Variants in AKAP8L observed in about 807,000 individuals in gnomAD.
AKAP8L encodes A-kinase anchoring protein 8 like.
Under a neutral mutation model 77.5 loss-of-function variants are expected in AKAP8L, and 34 were observed. The observed-to-expected ratio is 0.44, with a 90% CI of 0.33 to 0.58. The LOEUF is 0.58. Among genes scored for constraint, AKAP8L ranks in the 20% least tolerant of loss-of-function variants. The pLI is 0.02. For missense variants in AKAP8L, 806 were observed against 887.6 expected, an observed-to-expected ratio of 0.91 and a Z score of 1.17; for synonymous variants, 342 against 340.7, an observed-to-expected ratio of 1.00 and a Z score of -0.04.
At chr19:15,415,590 G>C (rs984898239) in intron 1 of AKAP8L, among the ~76,000 whole-genome samples, 10 of 152,032 alleles carry the variant, frequency 6.6e-5, no homozygotes, top group Non-Finnish European at 1.0e-4. Flanking sequence ...CTGGGCTCCA[G>C]CAAACCTCCC....
chr19:15,400,255 G>C (rs773919344), intron 8 of AKAP8L, 40 bp downstream of exon 8: 2 of 1,609,836 alleles, frequency 1.2e-6, no homozygotes, highest in Non-Finnish European at 1.7e-6. Flanking sequence ...TGAGCCCCTG[G>C]AAGAGCCGCC....
intron 12 of AKAP8L, among the ~76,000 whole-genome samples, chr19:15,393,816 T>G (rs778173937): frequency 3.3e-5 from 5 of 150,792 alleles, no homozygotes; most frequent in Non-Finnish European, 7.4e-5. Flanking sequence ...GCTAGGAGAA[T>G]TGCTTGGACC....
Position 15,401,675 on chromosome 19 carries a change from C to G in AKAP8L, c.363-72G>C. 1 of 1,214,298 alleles carries G rather than the reference C, an allele frequency of 8.2e-7. No individual in the cohort carries two copies. Among genetic ancestry groups the G allele is most frequent in the South Asian group, 1.5e-5 (1 of 68,202 alleles). 75.2% of individuals were successfully genotyped at this position (1,214,298 alleles called of 1,614,324 possible). On this transcript the variant is annotated intron_variant, in intron 4 of 13. Transcript: ENST00000397410. This position sits in a 1 kb window ranked among gnomAD's most constrained non-coding sequence, Gnocchi z 6.2. Reference sequence around the variant, plus strand: ...TCACCTCCAGGCAACTGCTCCTGCCCTCCCCAATCTCCCAGTCCAGCACCC... The same window carrying G: ...TCACCTCCAGGCAACTGCTCCTGCCGTCCCCAATCTCCCAGTCCAGCACCC...
intron 2 of AKAP8L, among the ~76,000 whole-genome samples, chr19:15,405,912 ACT>A (rs1422348195): frequency 1.3e-5 from 2 of 151,260 alleles, no homozygotes; most frequent in East Asian, 1.9e-4. Context: ...ACCGAGCGAG[ACT>A]CTGTCTCAAA....
At position 15,397,551 on chromosome 19, in the gene AKAP8L, C is replaced by T. The variant is rs2058322; in HGVS notation, c.1374G>A (p.Gln458=). The T allele has an allele frequency of 1.2e-6, 2 of 1,613,722 alleles. No homozygotes were observed. Among genetic ancestry groups the T allele is most frequent in the African/African-American group, 1.3e-5 (1 of 75,018 alleles). ...TCAGATCCTGGTCTCTGTAGATTTG[C>T]TGGATGAGGCCATCAAGGTCCTCCA... is the stretch of plus-strand genomic sequence containing the variant. ...KTVEDLDGLI[Q]QIYRDQDLTQ... Residue 458 remains glutamine (Q), a synonymous_variant, in exon 11 of 14, where the codon CAG becomes CAA. Coordinates refer to ENST00000397410, the MANE Select transcript of AKAP8L (RefSeq NM_014371.4). This position sits in a 1 kb window ranked among gnomAD's most constrained non-coding sequence, Gnocchi z 4.7.
chr19:15,416,076 C>G (rs1968202400), intron 1 of AKAP8L, among the ~76,000 whole-genome samples: 1 of 151,944 alleles, frequency 6.6e-6, no homozygotes, highest in South Asian at 2.1e-4. Flanking sequence ...ATCTTCCTGC[C>G]TCGGCCTCCC....
Position 15,380,063 on chromosome 19 carries a change from CTT to C in AKAP8L, c.*57_*58del, listed in dbSNP as rs998351048. On this transcript the variant is annotated 3_prime_UTR_variant, in exon 14 of 14. Coordinates refer to ENST00000397410, the MANE Select transcript of AKAP8L (RefSeq NM_014371.4). Reference sequence around the variant, plus strand: ...GAAACCCGGAGGTGGGATGGGAAAACTTTATTAGGTTTGGTTTCCAGCTTCGG... The same window carrying C: ...GAAACCCGGAGGTGGGATGGGAAAACTATTAGGTTTGGTTTCCAGCTTCGG... 1.5e-6 allele frequency: 2 copies of C among 1,330,014 alleles called. No individual in the cohort carries two copies. Among genetic ancestry groups the C allele is most frequent in the Non-Finnish European group, 1.9e-6 (2 of 1,042,016 alleles). 82.4% of individuals were successfully genotyped at this position (1,330,014 alleles called of 1,614,324 possible).
In AKAP8L at chr19:15,380,209, C is replaced by T; in HGVS notation, c.1854G>A (p.Leu618=). Residue 618 remains leucine (L), a synonymous_variant, in exon 14 of 14, where the codon TTG becomes TTA. Coordinates refer to ENST00000397410, the MANE Select transcript of AKAP8L (RefSeq NM_014371.4). ...TCTGGCGTTGCAGCGCCCCTCCCAG[C>T]AAGGGCACGGCGCCCTCCTCCTCCT... ...PEEEEEGAVP[L]LGGALQRQIR... 6.6e-7 allele frequency: 1 copy of T among 1,508,654 alleles called. No homozygotes were observed. Among genetic ancestry groups the T allele is most frequent in the East Asian group, 2.7e-5 (1 of 36,866 alleles). The allele number at this position is 1,508,654 out of a possible 1,614,324, so 93.5% of individuals were successfully genotyped here.
chr19:15,412,494 C>T (rs1968123805), intron 1 of AKAP8L, among the ~76,000 whole-genome samples: 1 of 152,208 alleles, frequency 6.6e-6, no homozygotes. Context: ...CTAATCCTGA[C>T]ACTTGCTTTA....
At chr19:15,415,280 T>C (rs143555265) in intron 1 of AKAP8L, among the ~76,000 whole-genome samples, 72 of 152,080 alleles carry the variant, frequency 4.7e-4, no homozygotes, top group African/African-American at 1.7e-3. Flanking sequence ...AATAAAAAAT[T>C]AGCCAGGCAT....
chr19:15,415,661 C>A (rs984680362), intron 1 of AKAP8L, among the ~76,000 whole-genome samples: 13 of 152,004 alleles, frequency 8.6e-5, no homozygotes, highest in African/African-American at 2.7e-4. Context: ...CCAGGGAGGG[C>A]GGATCACAAG....
chr19:15,410,632 A>T, intron 1 of AKAP8L, 38 bp from the exon 2 acceptor site: 1 of 1,517,636 alleles, frequency 6.6e-7, no homozygotes, highest in Non-Finnish European at 9.0e-7. Context: ...TCCACAAGCA[A>T]GTCACAGGGA....
In AKAP8L at chr19:15,401,092, C is replaced by CT. The variant is rs1967887023; in HGVS notation, c.817-50dup. The CT allele has an allele frequency of 6.2e-7, 1 of 1,607,824 alleles. No homozygotes were observed. The highest frequency in any genetic ancestry group is 8.5e-7 in the Non-Finnish European group (1 of 1,179,768). Reference sequence around the variant, plus strand: ...GTGTCAGGGTGCATGGCACCCGGCCCTTAGCTCCGCCCCAGTGGGAACTAA... The same window carrying CT: ...GTGTCAGGGTGCATGGCACCCGGCCCTTTAGCTCCGCCCCAGTGGGAACTAA... On this transcript the variant is annotated intron_variant, in intron 5 of 13. Transcript: ENST00000397410. This position sits in a 1 kb window ranked among gnomAD's most constrained non-coding sequence, Gnocchi z 6.2.
chr19:15,417,930 G>A (rs1324492424), intron 1 of AKAP8L, among the ~76,000 whole-genome samples: 1 of 152,196 alleles, frequency 6.6e-6, no homozygotes, highest in African/African-American at 2.4e-5. Flanking sequence ...TGCGGGGGGC[G>A]GAGAGGGGCT....
chr19:15,395,064 C>G (rs1187414251), intron 12 of AKAP8L, among the ~76,000 whole-genome samples: 1 of 151,140 alleles, frequency 6.6e-6, no homozygotes, highest in Non-Finnish European at 1.5e-5. Flanking sequence ...GAGTCTCGCT[C>G]TGTCGCCCAG....
chr19:15,384,448 C>T (rs1568260750), intron 12 of AKAP8L, among the ~76,000 whole-genome samples: 1 of 151,638 alleles, frequency 6.6e-6, no homozygotes, highest in African/African-American at 2.4e-5. Context: ...TACAGGCGCC[C>T]ACCACCACGC....
At chr19:15,418,754 G>T (rs527978339) in intron 1 of AKAP8L, among the ~76,000 whole-genome samples, 157 bp downstream of exon 1, 90 of 152,352 alleles carry the variant, frequency 5.9e-4, no homozygotes, top group African/African-American at 2.1e-3. Flanking sequence ...AGGCGTGAGG[G>T]CAGCGACCCT....
At position 15,404,390 on chromosome 19, in the gene AKAP8L, C is replaced by G. The variant is rs1967958625; in HGVS notation, c.89-348G>C. The G allele has an allele frequency of 2.8e-5, 7 of 247,830 alleles. No homozygotes were observed. The East Asian group carries it at 6.4e-4, about 23-fold the overall frequency. The allele number at this position is 247,830 out of a possible 1,614,324, so 15.4% of individuals were successfully genotyped here. A position where few individuals can be genotyped will look rare whatever the true frequency, so the allele number is the denominator to read the frequency against. ...CAGTTTATAGCAGAAAACCCAACCCCAGTCTCCCAAGAGTCTGCCTTAAAA... is the reference window on the plus strand; with the variant it reads ...CAGTTTATAGCAGAAAACCCAACCCGAGTCTCCCAAGAGTCTGCCTTAAAA... On this transcript the variant is annotated intron_variant, in intron 2 of 13. Transcript: ENST00000397410.
chr19:15,411,764 G>A (rs1005890399), intron 1 of AKAP8L, among the ~76,000 whole-genome samples: 2 of 151,844 alleles, frequency 1.3e-5, no homozygotes, highest in Non-Finnish European at 2.9e-5. Flanking sequence ...AACATAAAAT[G>A]AATTAGGGCT....
Sources: gnomAD v4.1 joint callset for allele counts (sites outside exome capture counted in the v4.1 genomes callset) on GRCh38, gnomAD v4.1.1 for gene constraint, Gnocchi (gnomAD v3.1) non-coding constraint, MANE v1.5 for transcripts, NCBI Gene and HGNC (gene_info 2026-07-23, HGNC 2026-07-21) for gene names.